GRIA2: variants seen among roughly 807,000 people sequenced by gnomAD.
GRIA2 encodes the protein glutamate receptor 2.
In GRIA2, 14 loss-of-function variants were observed where a neutral mutation model predicts 97.3. The ratio of observed to expected loss-of-function variants is 0.14; its 90% confidence interval spans 0.10 to 0.23. The LOEUF is 0.23. Ranked by LOEUF, GRIA2 falls within the 10% of genes least tolerant of loss-of-function variation. GRIA2 has a pLI of 1.00. For synonymous variants in GRIA2, 412 were observed against 387.8 expected (o/e 1.06, Z -0.73); for missense variants, 558 against 1,069.8 (o/e 0.52, Z 6.67).
intron 2 of GRIA2, among the ~76,000 whole-genome samples, chr4:157,264,029 A>T (rs1316085699): frequency 2.6e-5 from 4 of 152,102 alleles, no homozygotes; most frequent in African/African-American, 9.7e-5. Context: ...GAGGAATCTA[A>T]ATGGTCCCAA....
At chr4:157,360,834 C>A in intron 13 of GRIA2, 176 bp from the exon 14 acceptor site, 1 of 663,882 alleles carries the variant, frequency 1.5e-6, no homozygotes, top group Admixed American at 2.4e-5. Flanking sequence ...ACCACCTTAC[C>A]CAAAGTTTCA....
At chr4:157,255,428 G>T (rs4591655) in intron 2 of GRIA2, among the ~76,000 whole-genome samples, 2 of 151,748 alleles carry the variant, frequency 1.3e-5, no homozygotes, top group Non-Finnish European at 2.9e-5. Flanking sequence ...GCCCAGTAGT[G>T]GGATTGCTGG....
intron 12 of GRIA2, among the ~76,000 whole-genome samples, chr4:157,355,582 A>G (rs1373431776): frequency 7.1e-6 from 1 of 140,070 alleles, no homozygotes; most frequent in Non-Finnish European, 1.5e-5. Context: ...AAATATATAT[A>G]TATATTTATT....
At chr4:157,355,638 A>T (rs1364416108) in intron 12 of GRIA2, among the ~76,000 whole-genome samples, 1 of 133,688 alleles carries the variant, frequency 7.5e-6, no homozygotes, top group Non-Finnish European at 1.5e-5. Context: ...TTATTTATAT[A>T]TATTTATTTA....
At chr4:157,355,620 A>ATATATATTTATT (rs1736226310) in intron 12 of GRIA2, among the ~76,000 whole-genome samples, 2 of 137,420 alleles carry the variant, frequency 1.5e-5, no homozygotes, top group Non-Finnish European at 3.1e-5. Flanking sequence ...ATATTTATTT[A>ATATATATTTATT]TATATATTTA....
chr4:157,271,937 A>G (rs951122972), intron 2 of GRIA2, among the ~76,000 whole-genome samples: 2 of 152,114 alleles, frequency 1.3e-5, no homozygotes, highest in Non-Finnish European at 2.9e-5. Flanking sequence ...TTATTCCTGC[A>G]AAGAATGCCT....
intron 12 of GRIA2, among the ~76,000 whole-genome samples, chr4:157,347,319 G>A (rs1735804349): frequency 6.6e-6 from 1 of 152,102 alleles, no homozygotes; most frequent in South Asian, 2.1e-4. Flanking sequence ...CAATGTCAAT[G>A]TGCTCTGTAA....
At chr4:157,256,244 A>G (rs151249852) in intron 2 of GRIA2, among the ~76,000 whole-genome samples, 1,129 of 84,508 alleles carry the variant, frequency 0.013, 13 homozygotes, top group East Asian at 0.026. Flanking sequence ...ATATATATAT[A>G]TAATATATAA....
At chr4:157,258,128 A>T (rs1315200652) in intron 2 of GRIA2, among the ~76,000 whole-genome samples, 1 of 151,974 alleles carries the variant, frequency 6.6e-6, no homozygotes, top group Non-Finnish European at 1.5e-5. Context: ...CAAATTGTTT[A>T]AACAGTATGA....
intron 2 of GRIA2, among the ~76,000 whole-genome samples, chr4:157,271,114 C>T (rs1024661031): frequency 2.6e-5 from 4 of 151,962 alleles, no homozygotes; most frequent in Non-Finnish European, 5.9e-5. Context: ...AACTCATGCA[C>T]AATTAAAGCA....
At chr4:157,325,038 A>T (rs764573998) in intron 6 of GRIA2, among the ~76,000 whole-genome samples, 1 of 152,178 alleles carries the variant, frequency 6.6e-6, no homozygotes, top group Non-Finnish European at 1.5e-5. Context: ...TGCTATTGGC[A>T]TAAAAATCTA....
chr4:157,318,898 A>G (rs981180417), intron 5 of GRIA2, among the ~76,000 whole-genome samples: 1 of 152,216 alleles, frequency 6.6e-6, no homozygotes, highest in Non-Finnish European at 1.5e-5. Flanking sequence ...ACATCAGAAG[A>G]CATTAGTTCT....
chr4:157,303,052 G>A (rs1226181342), intron 2 of GRIA2, among the ~76,000 whole-genome samples: 4 of 152,222 alleles, frequency 2.6e-5, no homozygotes, highest in East Asian at 1.9e-4. Flanking sequence ...TGTATTTATC[G>A]GGGAGTCTGG....
chr4:157,248,461 G>T (rs1332328928), intron 2 of GRIA2, among the ~76,000 whole-genome samples: 1 of 144,890 alleles, frequency 6.9e-6, no homozygotes, highest in Admixed American at 7.0e-5. Flanking sequence ...CAACTACTCG[G>T]GAGGGTGAGG....
chr4:157,233,848 C>T (rs1330904021), intron 2 of GRIA2, among the ~76,000 whole-genome samples: 4 of 151,946 alleles, frequency 2.6e-5, no homozygotes, highest in Admixed American at 6.6e-5. Flanking sequence ...CTGTAAAGCT[C>T]GGTAGCATAA....
intron 3 of GRIA2, among the ~76,000 whole-genome samples, chr4:157,304,045 G>A (rs1292748943): frequency 3.3e-5 from 5 of 152,150 alleles, no homozygotes; most frequent in Non-Finnish European, 7.4e-5. Flanking sequence ...CAAATATTCA[G>A]TTGTAATATA....
At chr4:157,277,583 T>G (rs2126804366) in intron 2 of GRIA2, among the ~76,000 whole-genome samples, 1 of 151,616 alleles carries the variant, frequency 6.6e-6, no homozygotes, top group Non-Finnish European at 1.5e-5. Flanking sequence ...AAGGAAGAAA[T>G]AAAACTATCT....
rs1363686472 is a variant in GRIA2 at position 157,332,954 on chromosome 4, C to A, written c.1018C>A (p.Gln340Lys). Residue 340 changes from glutamine to lysine, a missense_variant, in exon 7 of 16, where the codon CAA (glutamine) becomes AAA (lysine). By Grantham distance (53) the Gln-to-Lys change is moderately conservative. Transcript: ENST00000264426. ...CLANPAVPWG[Q>K]GVEIERALKQ... ...GGCAAACCCAGCAGTGCCCTGGGGA[C>A]AAGGTGTAGAAATAGAAAGGGCCCT... 1 of 1,611,014 alleles carries A rather than the reference C, an allele frequency of 6.2e-7. No homozygotes were observed. Among genetic ancestry groups the A allele is most frequent in the African/African-American group, 1.3e-5 (1 of 74,684 alleles).
intron 2 of GRIA2, among the ~76,000 whole-genome samples, chr4:157,282,759 A>G (rs540007767): frequency 6.6e-6 from 1 of 152,104 alleles, no homozygotes; most frequent in Non-Finnish European, 1.5e-5. Context: ...CCATCCCTCC[A>G]TATGCCTGTG....
Sources: allele counts gnomAD v4.1 joint callset (sites outside exome capture counted in the v4.1 genomes callset), GRCh38; gene constraint gnomAD v4.1.1; transcripts MANE v1.5; gene names NCBI Gene and HGNC (gene_info 2026-07-23, HGNC 2026-07-21).